Variants in ZNF655 observed in about 807,000 individuals in gnomAD.
The protein encoded by ZNF655 is Vav-interacting Kruppel-like protein 1.
In ZNF655, 3 loss-of-function variants were observed where a neutral mutation model predicts 6.6. The observed-to-expected ratio is 0.46, with a 90% CI of 0.21 to 1.18. The LOEUF (loss-of-function observed/expected upper bound fraction) is 1.18. Among genes scored for constraint, ZNF655 ranks in the 50% most tolerant of loss-of-function variants. The pLI is 0.24. For synonymous variants in ZNF655, 178 were observed against 195.0 expected (o/e 0.91, Z 0.73); for missense variants, 526 against 572.3 (o/e 0.92, Z 0.83).
At chr7:99,570,701 A>G (rs540199343) in intron 2 of ZNF655, 2 of 152,372 alleles carry the variant, frequency 1.3e-5, no homozygotes, top group South Asian at 2.1e-4. Context: ...TATATGTGAC[A>G]TGTCAGGATA....
At position 99,559,785 on chromosome 7, in the gene ZNF655, AT is replaced by A. The variant is rs60274417; in HGVS notation, c.-27-725del. On this transcript the variant is annotated intron_variant, in intron 1 of 2. Transcript: ENST00000252713. ...TGGAACTACAGGCCTGGGCCACCTA[AT>A]TTTTTTTTTTTTTTTTTTTTTTGTA... is the stretch of plus-strand genomic sequence containing the variant. Among the ~76,000 whole-genome samples the A allele has an allele frequency of 4.3e-3, 513 of 119,266 alleles. 2 individuals are homozygous for A. Among genetic ancestry groups the A allele is most frequent in the African/African-American group, 0.01 (302 of 29,374 alleles). The allele number at this position is 119,266 out of a possible 152,430, so 78.2% of individuals were successfully genotyped here. A position where few individuals can be genotyped will look rare whatever the true frequency, so the allele number is the denominator to read the frequency against.
intron 2 of ZNF655, chr7:99,571,347 T>C: frequency 7.8e-7 from 1 of 1,278,412 alleles, no homozygotes; most frequent in Non-Finnish European, 1.0e-6. Flanking sequence ...TTGATACTTG[T>C]AGACCAGATC....
intron 2 of ZNF655, among the ~76,000 whole-genome samples, chr7:99,567,426 T>A (rs566006938): frequency 8.2e-4 from 124 of 150,524 alleles, no homozygotes; most frequent in African/African-American, 2.7e-3. Context: ...CCAGCTACTC[T>A]GGAGGCTGAG....
At chr7:99,563,370 GT>G (rs1366164620) in intron 2 of ZNF655, 1 of 173,116 alleles carries the variant, frequency 5.8e-6, no homozygotes, top group East Asian at 1.7e-4. Context: ...CCAGGCTGGA[GT>G]GCAGTGGTGC....
At chr7:99,562,434 G>T in intron 2 of ZNF655, 1 of 1,614,126 alleles carries the variant, frequency 6.2e-7, no homozygotes, top group Non-Finnish European at 8.5e-7. Flanking sequence ...CCTGGACCCT[G>T]TTCAGAGGGA....
chr7:99,565,899 T>G (rs1030978659), intron 2 of ZNF655, among the ~76,000 whole-genome samples: 3 of 152,202 alleles, frequency 2.0e-5, no homozygotes, highest in Non-Finnish European at 4.4e-5. Context: ...CAGAATGTTT[T>G]CCATTGTCAC....
At position 99,573,323 on chromosome 7, in the gene ZNF655, G is replaced by C; in HGVS notation, c.1215G>C (p.Glu405Asp). The C allele has an allele frequency of 1.9e-6, 3 of 1,614,158 alleles. No homozygotes were observed. Among genetic ancestry groups the C allele is most frequent in the Non-Finnish European group, 2.5e-6 (3 of 1,180,016 alleles). ...LIQHQRIHTG[E>D]KAHECNECGK... ...AGCATCAAAGAATTCACACAGGAGA[G>C]AAAGCACATGAATGTAATGAATGTG... is the stretch of plus-strand genomic sequence containing the variant. The change falls in exon 3 of 3, where the codon GAG becomes GAC. Residue 405 changes from glutamate to aspartate, a missense_variant. Transcript: ENST00000252713.
chr7:99,565,289 C>T (rs1434704713), intron 2 of ZNF655, among the ~76,000 whole-genome samples: 2 of 152,160 alleles, frequency 1.3e-5, no homozygotes, highest in African/African-American at 4.8e-5. Flanking sequence ...CTGCCTCAGC[C>T]TCCCAAGTAG....
intron 2 of ZNF655, chr7:99,564,035 G>C (rs201587576): frequency 6.2e-7 from 1 of 1,607,666 alleles, no homozygotes; most frequent in East Asian, 2.2e-5. Flanking sequence ...GTCCCTGCTC[G>C]GAAACTCCTT....
intron 2 of ZNF655, chr7:99,562,547 G>GT (rs1386512476): frequency 1.7e-5 from 27 of 1,577,126 alleles, no homozygotes; most frequent in Non-Finnish European, 2.2e-5. Flanking sequence ...TTACTTTCTT[G>GT]TTTCTTCCTA....
At chr7:99,566,021 A>ATG (rs34698828) in intron 2 of ZNF655, among the ~76,000 whole-genome samples, 18,763 of 149,884 alleles carry the variant, frequency 0.13, 1,472 homozygotes, top group African/African-American at 0.23. Context: ...GGACATTTAT[A>ATG]TGTGTGTGTG....
intron 2 of ZNF655, among the ~76,000 whole-genome samples, chr7:99,562,663 CGTTT>C (rs1803293200): frequency 6.6e-6 from 1 of 152,066 alleles, no homozygotes; most frequent in Non-Finnish European, 1.5e-5. Flanking sequence ...GGGTAATTAA[CGTTT>C]GTTTGGGGGT....
intron 2 of ZNF655, chr7:99,571,644 C>G: frequency 6.9e-7 from 1 of 1,440,652 alleles, no homozygotes; most frequent in East Asian, 2.4e-5. Flanking sequence ...AGATGTAGGA[C>G]CTGGGGATAC....
rs61435529 is a variant in ZNF655 at position 99,575,086 on chromosome 7, C to T, written c.*1502C>T. 8,194 of 152,626 alleles carry T rather than the reference C, an allele frequency of 0.054. 666 individuals are homozygous for T. Among genetic ancestry groups the T allele is most frequent in the African/African-American group, 0.18 (7,275 of 41,494 alleles). 9.5% of individuals were successfully genotyped at this position (152,626 alleles called of 1,614,324 possible). A position where few individuals can be genotyped will look rare whatever the true frequency, so the allele number is the denominator to read the frequency against. The stretch of plus-strand genomic sequence containing the variant: ...CTGTCTTGTGTGCATCCACAGTCTG[C>T]GAAGAAGACATGATAAGGACATCAG... On this transcript the variant is annotated 3_prime_UTR_variant, in exon 3 of 3. Coordinates refer to ENST00000252713, the MANE Select transcript of ZNF655 (RefSeq NM_138494.3).
At chr7:99,569,331 T>A (rs1803864052) in intron 2 of ZNF655, among the ~76,000 whole-genome samples, 1 of 152,212 alleles carries the variant, frequency 6.6e-6, no homozygotes. Flanking sequence ...TGAGTTAAAT[T>A]TAGGAAATAG....
chr7:99,560,663 A>G lies in ZNF655; in HGVS notation c.104A>G (p.Gln35Arg). 6.2e-7 allele frequency: 1 copy of G among 1,614,162 alleles called. No individual in the cohort carries two copies. The highest frequency in any genetic ancestry group is 8.5e-7 in the Non-Finnish European group (1 of 1,180,008). ...CTGTCCCCAGAGCCTCAGTTTGTGC[A>G]GGACACCGACATGGAACAGGGACTC... Reference protein sequence around the residue: ...ECLSPEPQFVQDTDMEQGLTG... With the variant: ...ECLSPEPQFVRDTDMEQGLTG... Residue 35 changes from glutamine to arginine, a missense_variant, in exon 2 of 3, where the codon CAG becomes CGG. By Grantham distance (43) the Gln-to-Arg change is conservative. Transcript: ENST00000252713.
In ZNF655 at chr7:99,573,217, A is replaced by T. The variant is rs1373185197; in HGVS notation, c.1109A>T (p.Gln370Leu). 2.5e-6 allele frequency: 4 copies of T among 1,614,064 alleles called. No homozygotes were observed. The Admixed American group carries it at 6.7e-5, about 27-fold the overall frequency. ...GAATATGGGTTGGCCTATATTAAAC[A>T]ACAAGGAATTCATTTCAGAGAAAAG... Reference protein sequence around the residue: ...YDEYGLAYIKQQGIHFREKPY... With the variant: ...YDEYGLAYIKLQGIHFREKPY... Residue 370 changes from glutamine (Q) to leucine (L), a missense_variant, in exon 3 of 3, where the codon CAA becomes CTA. Coordinates refer to ENST00000252713, the MANE Select transcript of ZNF655 (RefSeq NM_138494.3).
intron 2 of ZNF655, chr7:99,563,941 C>T: frequency 6.2e-7 from 1 of 1,613,918 alleles, no homozygotes; most frequent in Non-Finnish European, 8.5e-7. Context: ...CAGGCAAGTG[C>T]TTTCTCTGGA....
At position 99,573,640 on chromosome 7, in the gene ZNF655, A is replaced by AGTTC; in HGVS notation, c.*57_*60dup. The AGTTC allele has an allele frequency of 6.5e-7, 1 of 1,548,178 alleles. No individual in the cohort carries two copies. The highest frequency in any genetic ancestry group is 8.7e-7 in the Non-Finnish European group (1 of 1,154,440). On this transcript the variant is annotated 3_prime_UTR_variant, in exon 3 of 3. Transcript: ENST00000252713. Reference sequence around the variant, plus strand: ...ATTCAGGCTTCATTCAGCATCTGAGAGTTCACACCAGGGAGAAATCATGTA... The same window carrying AGTTC: ...ATTCAGGCTTCATTCAGCATCTGAGAGTTCGTTCACACCAGGGAGAAATCATGTA...
Sources: gnomAD v4.1 joint callset for allele counts (sites outside exome capture counted in the v4.1 genomes callset) on GRCh38, gnomAD v4.1.1 for gene constraint, MANE v1.5 for transcripts, NCBI Gene and HGNC (gene_info 2026-07-23, HGNC 2026-07-21) for gene names.